Variants in DPP6 observed in about 807,000 individuals in gnomAD.
DPP6 encodes the protein dipeptidyl peptidase like 6, also known as A-type potassium channel modulatory protein DPP6.
DPP6 carries 69 observed loss-of-function variants against 122.6 expected under a neutral mutation model. The ratio of observed to expected loss-of-function variants is 0.56; its 90% CI spans 0.46 to 0.69. The LOEUF is 0.69. DPP6 is among the 30% of genes least tolerant of loss of function. The pLI is 0.00. For missense variants in DPP6, 928 were observed against 1,116.9 expected (o/e 0.83, Z 2.41); for synonymous variants, 418 against 433.1 (o/e 0.97, Z 0.43).
intron 5 of DPP6, among the ~76,000 whole-genome samples, chr7:154,593,688 G>A (rs1448503297): frequency 1.3e-5 from 2 of 152,182 alleles, no homozygotes; most frequent in Non-Finnish European, 2.9e-5. Flanking sequence ...AGCAGGGGGA[G>A]CTCCTGGCTG....
At chr7:154,700,654 A>C (rs1474917751) in intron 7 of DPP6, among the ~76,000 whole-genome samples, 1 of 152,236 alleles carries the variant, frequency 6.6e-6, no homozygotes, top group Non-Finnish European at 1.5e-5. Flanking sequence ...TTGCATGAGC[A>C]TCAAAAACTG....
chr7:153,925,727 G>T (rs1177143125), intron 1 of DPP6, among the ~76,000 whole-genome samples: 1 of 152,206 alleles, frequency 6.6e-6, no homozygotes, highest in Non-Finnish European at 1.5e-5. Flanking sequence ...CCAAGGTTTG[G>T]ATGAACGGAG....
chr7:153,954,582 G>A (rs372281173), intron 1 of DPP6, among the ~76,000 whole-genome samples: 17 of 152,272 alleles, frequency 1.1e-4, no homozygotes, highest in African/African-American at 3.9e-4. Flanking sequence ...TGGGTGTTTT[G>A]TGTGAGTATT....
chr7:154,565,558 T>C (rs1407234598), intron 4 of DPP6, among the ~76,000 whole-genome samples: 1 of 152,048 alleles, frequency 6.6e-6, no homozygotes, highest in Non-Finnish European at 1.5e-5. Context: ...GGAGTGTCGC[T>C]CTTGTCGCCC....
chr7:154,406,864 T>C (rs1464124059), intron 1 of DPP6, among the ~76,000 whole-genome samples: 1 of 152,200 alleles, frequency 6.6e-6, no homozygotes, highest in Non-Finnish European at 1.5e-5. Context: ...ACACCTGATA[T>C]GGTGTTCTTT....
intron 1 of DPP6, among the ~76,000 whole-genome samples, chr7:154,277,766 A>G (rs1481613505): frequency 6.6e-6 from 1 of 152,228 alleles, no homozygotes; most frequent in African/African-American, 2.4e-5. Context: ...TTCTGTCTCC[A>G]AAAATAAAAA....
chr7:153,809,650 G>T, the DPP6 span, among the ~76,000 whole-genome samples: 1 of 152,014 alleles, frequency 6.6e-6, no homozygotes, highest in Admixed American at 6.6e-5. Flanking sequence ...TAAAGATAAT[G>T]TGATCACCTA....
intron 10 of DPP6, among the ~76,000 whole-genome samples, chr7:154,784,004 G>A (rs188948919): frequency 2.6e-5 from 4 of 152,146 alleles, no homozygotes; most frequent in East Asian, 3.9e-4. Flanking sequence ...TTTTCTATAG[G>A]GGCAAAGACA....
the DPP6 span, among the ~76,000 whole-genome samples, chr7:153,782,854 T>C: frequency 6.6e-6 from 1 of 152,046 alleles, no homozygotes; most frequent in Non-Finnish European, 1.5e-5. Context: ...CCAGTCAAGG[T>C]CCATAGACAT....
intron 7 of DPP6, among the ~76,000 whole-genome samples, chr7:154,716,755 T>G (rs1022182226): frequency 2.0e-5 from 3 of 151,660 alleles, no homozygotes; most frequent in African/African-American, 7.3e-5. Context: ...TTTTAAAATT[T>G]TATTTTCTTT....
chr7:154,736,430 T>A (rs1261988904), intron 8 of DPP6, among the ~76,000 whole-genome samples: 1 of 152,262 alleles, frequency 6.6e-6, no homozygotes, highest in African/African-American at 2.4e-5. Context: ...CAGCGAAATT[T>A]GAATTTCTTG....
chr7:153,869,296 T>C, the DPP6 span, among the ~76,000 whole-genome samples: 1 of 152,252 alleles, frequency 6.6e-6, no homozygotes, highest in Non-Finnish European at 1.5e-5. Context: ...TAAGTCTCTT[T>C]GTAGGTCACT....
chr7:153,812,420 C>T, the DPP6 span, among the ~76,000 whole-genome samples: 1 of 152,014 alleles, frequency 6.6e-6, no homozygotes, highest in East Asian at 1.9e-4. Context: ...TGAAACTCAG[C>T]ATGTTTCTGG....
chr7:154,011,854 T>C (rs1181723994), intron 1 of DPP6, among the ~76,000 whole-genome samples: 1 of 152,080 alleles, frequency 6.6e-6, no homozygotes, highest in African/African-American at 2.4e-5. Context: ...AGAAAATGAG[T>C]TTCAGAGATG....
chr7:154,019,948 G>T (rs1585185646), intron 1 of DPP6, among the ~76,000 whole-genome samples: 1 of 152,004 alleles, frequency 6.6e-6, no homozygotes, highest in African/African-American at 2.4e-5. Flanking sequence ...GTGTCTGCAG[G>T]GAACTCTTTT....
chr7:153,905,525 G>A (rs1405883852), intron 1 of DPP6, among the ~76,000 whole-genome samples: 2 of 152,078 alleles, frequency 1.3e-5, no homozygotes, highest in Non-Finnish European at 1.5e-5. Context: ...CAATGGGTGA[G>A]AAAGATGGTT....
At chr7:153,802,126 A>G in the DPP6 span, among the ~76,000 whole-genome samples, 1 of 152,196 alleles carries the variant, frequency 6.6e-6, no homozygotes, top group Non-Finnish European at 1.5e-5. Flanking sequence ...GAGCAGGCAC[A>G]CCATGGTGCC....
At chr7:154,061,655 G>C (rs1421023342) in intron 1 of DPP6, among the ~76,000 whole-genome samples, 1 of 138,832 alleles carries the variant, frequency 7.2e-6, no homozygotes, top group Admixed American at 7.1e-5. Context: ...GGGACTCAGA[G>C]CCAACCCCTC....
chr7:154,228,385 A>G (rs1474531149), intron 1 of DPP6, among the ~76,000 whole-genome samples: 3 of 152,164 alleles, frequency 2.0e-5, no homozygotes, highest in Non-Finnish European at 4.4e-5. Context: ...TCTACAATTT[A>G]TTTCACCCCA....
Sources: allele counts gnomAD v4.1 joint callset (sites outside exome capture counted in the v4.1 genomes callset), GRCh38; gene constraint gnomAD v4.1.1; transcripts MANE v1.5; gene names NCBI Gene and HGNC (gene_info 2026-07-23, HGNC 2026-07-21).